Variants in CREB5 observed in about 807,000 individuals in gnomAD.
CREB5 encodes the protein cyclic AMP-responsive element-binding protein 5.
Under a neutral mutation model 57.1 loss-of-function variants are expected in CREB5, and 19 were observed. The ratio of observed to expected loss-of-function variants is 0.33; its 90% confidence interval spans 0.23 to 0.49. CREB5 has a LOEUF of 0.49. CREB5 is among the 20% of genes least tolerant of loss of function. The pLI is 0.99. For missense variants in CREB5, 579 were observed against 671.6 expected, an observed-to-expected ratio of 0.86 and a Z score of 1.52; for synonymous variants, 238 against 238.3, an observed-to-expected ratio of 1.00 and a Z score of 0.01.
At chr7:28,607,635 T>G (rs972128212) in intron 5 of CREB5, among the ~76,000 whole-genome samples, 1 of 152,030 alleles carries the variant, frequency 6.6e-6, no homozygotes. Flanking sequence ...GGAAGTGTAG[T>G]GCATTGGAAG....
chr7:28,475,999 T>C (rs1013612865), intron 1 of CREB5, among the ~76,000 whole-genome samples: 1 of 152,190 alleles, frequency 6.6e-6, no homozygotes, highest in African/African-American at 2.4e-5. Context: ...ATTTAACTTT[T>C]ATAACAACTG....
In CREB5 at chr7:28,789,834, TA is replaced by T. The variant is rs200236451; in HGVS notation, c.703-14357del. On this transcript the variant is annotated intron_variant, in intron 7 of 10. Coordinates refer to ENST00000357727, the MANE Select transcript of CREB5 (RefSeq NM_182898.4). Reference sequence around the variant, plus strand: ...AGTGATACATACTCTATCCTTAAATTAAAAAAAACAAAAATAGATCAAAATT... The same window carrying T: ...AGTGATACATACTCTATCCTTAAATTAAAAAAACAAAAATAGATCAAAATT... Among the ~76,000 whole-genome samples the T allele has an allele frequency of 3.3e-5, 5 of 151,838 alleles. No homozygotes were observed. In the South Asian group the frequency reaches 6.2e-4, roughly 19 times the overall value.
intron 1 of CREB5, among the ~76,000 whole-genome samples, chr7:28,356,069 G>C (rs143153711): frequency 6.6e-6 from 1 of 152,332 alleles, no homozygotes; most frequent in Non-Finnish European, 1.5e-5. Flanking sequence ...TTCGGAAGAA[G>C]TGAACAACAT....
chr7:28,748,874 G>T, intron 7 of CREB5, among the ~76,000 whole-genome samples: 1 of 152,232 alleles, frequency 6.6e-6, no homozygotes, highest in East Asian at 1.9e-4. Context: ...TCTGAATGAA[G>T]TTTTTATTCT....
At chr7:28,345,084 T>G (rs1004835591) in intron 1 of CREB5, among the ~76,000 whole-genome samples, 3 of 152,130 alleles carry the variant, frequency 2.0e-5, no homozygotes, top group African/African-American at 7.2e-5. Flanking sequence ...ACATTCCACT[T>G]TCAACAATGG....
chr7:28,343,066 G>C (rs1041610435), intron 1 of CREB5, among the ~76,000 whole-genome samples: 1 of 151,876 alleles, frequency 6.6e-6, no homozygotes, highest in Non-Finnish European at 1.5e-5. Flanking sequence ...TCAGCCTCCC[G>C]AGTAGCTGGG....
intron 4 of CREB5, among the ~76,000 whole-genome samples, chr7:28,547,725 A>T (rs952614753): frequency 1.3e-5 from 2 of 152,152 alleles, no homozygotes; most frequent in Non-Finnish European, 2.9e-5. Context: ...TGAACCACTT[A>T]TTTGTCTTAC....
At chr7:28,589,301 T>C (rs1796410235) in intron 5 of CREB5, among the ~76,000 whole-genome samples, 1 of 152,132 alleles carries the variant, frequency 6.6e-6, no homozygotes, top group Non-Finnish European at 1.5e-5. Context: ...ACGCATGTAA[T>C]CTCAGCACTT....
chr7:28,776,324 C>T lies in CREB5; in HGVS notation c.703-27875C>T, dbSNP rs1261383870. Among the ~76,000 whole-genome samples the T allele has an allele frequency of 7.0e-5, 9 of 129,394 alleles. No individual in the cohort carries two copies. The East Asian group carries it at 1.2e-3, about 17-fold the overall frequency. The allele number at this position is 129,394 out of a possible 152,430, so 84.9% of individuals were successfully genotyped here. On this transcript the variant is annotated intron_variant, in intron 7 of 10. Coordinates refer to ENST00000357727, the MANE Select transcript of CREB5 (RefSeq NM_182898.4). Reference sequence around the variant, plus strand: ...CTGCACTCCCGCCTGGGCGACAGAGCGAGACTCTGTCTCAAAAAAAAAAAA... The same window carrying T: ...CTGCACTCCCGCCTGGGCGACAGAGTGAGACTCTGTCTCAAAAAAAAAAAA...
At position 28,357,433 on chromosome 7, in the gene CREB5, A is replaced by C. The variant is rs146500596; in HGVS notation, c.-25+57992A>C. On this transcript the variant is annotated intron_variant, in intron 1 of 9. Coordinates refer to the CREB5 transcript ENST00000396299. Reference sequence around the variant, plus strand: ...GTTGAAGATGAAGGGAGGTATAGTAAATTTGGTATTTAAGTGTTTGTATGA... The same window carrying C: ...GTTGAAGATGAAGGGAGGTATAGTACATTTGGTATTTAAGTGTTTGTATGA... Among the ~76,000 whole-genome samples the C allele has an allele frequency of 2.0e-3, 301 of 152,276 alleles. 2 individuals carry two copies. Among genetic ancestry groups the C allele is most frequent in the African/African-American group, 7.1e-3 (295 of 41,560 alleles).
chr7:28,524,978 A>G (rs1409112384), intron 4 of CREB5, among the ~76,000 whole-genome samples: 1 of 141,232 alleles, frequency 7.1e-6, no homozygotes, highest in Admixed American at 7.0e-5. Context: ...CATTCCCCGA[A>G]CCCCACCCCC....
intron 5 of CREB5, among the ~76,000 whole-genome samples, chr7:28,592,743 A>T (rs560782390): frequency 1.3e-5 from 2 of 152,292 alleles, no homozygotes; most frequent in Non-Finnish European, 2.9e-5. Context: ...CCAAGAAGTG[A>T]GAGGCTGAGA....
At chr7:28,809,611 T>C (rs1808981927) in intron 9 of CREB5, among the ~76,000 whole-genome samples, 197 bp downstream of exon 9, 1 of 152,130 alleles carries the variant, frequency 6.6e-6, no homozygotes, top group Non-Finnish European at 1.5e-5. Context: ...TTTCAATCAA[T>C]TTGCCCACAA....
Position 28,320,678 on chromosome 7 carries a change from C to T in CREB5, c.-25+21237C>T, listed in dbSNP as rs191944499. Among the ~76,000 whole-genome samples, 187 of 152,258 alleles carry T rather than the reference C, an allele frequency of 1.2e-3. 2 individuals carry two copies. Among genetic ancestry groups the T allele is most frequent in the African/African-American group, 4.3e-3 (179 of 41,556 alleles). ...TGGTGGGTGAATAAATTAGGCTTGC[C>T]GACACTTGTCTGTTTAAGCAAAGAC... On this transcript the variant is annotated intron_variant, in intron 1 of 9. Coordinates refer to the CREB5 transcript ENST00000396299.
chr7:28,513,994 CTTAATA>C lies in CREB5; in HGVS notation c.291+6262_291+6267del, dbSNP rs375045234. Among the ~76,000 whole-genome samples the C allele has an allele frequency of 1.8e-3, 279 of 152,240 alleles. 2 individuals carry two copies. The highest frequency in any genetic ancestry group is 6.2e-3 in the African/African-American group (258 of 41,532). On this transcript the variant is annotated intron_variant, in intron 4 of 10. Transcript: ENST00000357727. Reference sequence around the variant, plus strand: ...TCTATTGTCTTGCAAAGAGTGGACACTTAATATTAAGTGTTCGATGTAGATGATGAG... The same window carrying C: ...TCTATTGTCTTGCAAAGAGTGGACACTTAAGTGTTCGATGTAGATGATGAG...
chr7:28,660,724 C>CT (rs1243028758), intron 5 of CREB5, among the ~76,000 whole-genome samples: 4 of 152,086 alleles, frequency 2.6e-5, no homozygotes, highest in African/African-American at 9.7e-5. Flanking sequence ...CTTTTCCTCC[C>CT]TTTCTTCTTC....
chr7:28,454,475 C>T (rs1017853055), intron 1 of CREB5, among the ~76,000 whole-genome samples: 3 of 152,298 alleles, frequency 2.0e-5, no homozygotes, highest in African/African-American at 7.2e-5. Flanking sequence ...TTCCTCAGGG[C>T]ATTCCCCCAG....
intron 5 of CREB5, among the ~76,000 whole-genome samples, chr7:28,645,811 G>A (rs1253336432): frequency 6.6e-6 from 1 of 152,202 alleles, no homozygotes; most frequent in African/African-American, 2.4e-5. Flanking sequence ...GGGTATATGA[G>A]AGTGTTTTCA....
chr7:28,513,344 A>G (rs746744130), intron 4 of CREB5: 1 of 152,200 alleles, frequency 6.6e-6, no homozygotes, highest in African/African-American at 2.4e-5. Context: ...AGAAGTATGG[A>G]GAAAAAGAAT....
Sources: allele counts gnomAD v4.1 joint callset (sites outside exome capture counted in the v4.1 genomes callset), GRCh38; gene constraint gnomAD v4.1.1; transcripts MANE v1.5; gene names NCBI Gene and HGNC (gene_info 2026-07-23, HGNC 2026-07-21).